SRBD1: variants seen among roughly 807,000 people sequenced by gnomAD.
SRBD1 encodes S1 RNA-binding domain-containing protein 1.
Under a neutral mutation model 115.3 loss-of-function variants are expected in SRBD1, and 88 were observed. That is an observed-to-expected ratio of 0.76 (90% CI 0.64 to 0.91). The LOEUF (loss-of-function observed/expected upper bound fraction) is 0.91. Among genes scored for constraint, SRBD1 ranks in the 40% least tolerant of loss-of-function variants. SRBD1 has a pLI of 0.00. For synonymous variants in SRBD1, 509 were observed against 407.7 expected (o/e 1.25, Z -2.99); for missense variants, 1,385 against 1,177.4 (o/e 1.18, Z -2.58).
rs1669829358 is a variant in SRBD1 at position 45,477,181 on chromosome 2, C to T, written c.1967-106G>A. On this transcript the variant is annotated intron_variant, in intron 15 of 20. Transcript: ENST00000263736. Reference sequence around the variant, plus strand: ...ATGTAAGTACTTAATCCTGTCCCTCCTCATCATCCCTCTAAAAAAGGCCAA... The same window carrying T: ...ATGTAAGTACTTAATCCTGTCCCTCTTCATCATCCCTCTAAAAAAGGCCAA... The T allele has an allele frequency of 8.7e-6, 7 of 802,024 alleles. No homozygotes were observed. In the Admixed American group the frequency reaches 1.0e-4, roughly 12 times the overall value. 49.7% of individuals were successfully genotyped at this position (802,024 alleles called of 1,614,324 possible).
intron 10 of SRBD1, among the ~76,000 whole-genome samples, chr2:45,554,670 G>A (rs1301181746): frequency 1.3e-5 from 2 of 152,064 alleles, no homozygotes; most frequent in Admixed American, 6.6e-5. Context: ...CACTGAAACG[G>A]TCCCTATAAA....
intron 16 of SRBD1, among the ~76,000 whole-genome samples, chr2:45,471,251 T>C (rs892185173): frequency 6.6e-6 from 1 of 152,174 alleles, no homozygotes; most frequent in South Asian, 2.1e-4. Context: ...ATCAGTCACC[T>C]GCTTAGTTTT....
chr2:45,575,045 A>G (rs992899916), intron 7 of SRBD1, among the ~76,000 whole-genome samples: 1 of 152,178 alleles, frequency 6.6e-6, no homozygotes, highest in African/African-American at 2.4e-5. Flanking sequence ...TCTGTACCTC[A>G]GTTTCCTATA....
chr2:45,565,113 T>C (rs1030729965), intron 9 of SRBD1, among the ~76,000 whole-genome samples: 1 of 152,208 alleles, frequency 6.6e-6, no homozygotes, highest in Non-Finnish European at 1.5e-5. Context: ...TTGGCATGTT[T>C]TGTGGAAACT....
At chr2:45,555,311 G>C (rs1307906782) in intron 10 of SRBD1, among the ~76,000 whole-genome samples, 1 of 152,122 alleles carries the variant, frequency 6.6e-6, no homozygotes, top group African/African-American at 2.4e-5. Context: ...CTTGAGCCCA[G>C]GAGGTTGAAG....
chr2:45,478,191 G>A (rs1669861115), intron 15 of SRBD1, among the ~76,000 whole-genome samples: 1 of 152,058 alleles, frequency 6.6e-6, no homozygotes, highest in African/African-American at 2.4e-5. Context: ...CAGGTTAGAT[G>A]AAATATAAAT....
chr2:45,502,921 G>A (rs557742895), intron 14 of SRBD1, among the ~76,000 whole-genome samples: 28 of 152,108 alleles, frequency 1.8e-4, no homozygotes, highest in Non-Finnish European at 4.0e-4. Flanking sequence ...CAGGGCTCAA[G>A]CAATATTCTT....
At chr2:45,582,109 T>G (rs760979028) in intron 5 of SRBD1, among the ~76,000 whole-genome samples, 3 of 152,306 alleles carry the variant, frequency 2.0e-5, no homozygotes, top group Non-Finnish European at 2.9e-5. Flanking sequence ...ATATCCTTTA[T>G]AGTGGATTCA....
In SRBD1 at chr2:45,415,594, T is replaced by C. The variant is rs573453542; in HGVS notation, c.2334-2301A>G. ...ATAGGTTAAAAAACAAAAATATACA[T>C]AAAATATTTTTATATATGTATAAAA... On this transcript the variant is annotated intron_variant, in intron 18 of 20. Coordinates refer to ENST00000263736, the MANE Select transcript of SRBD1 (RefSeq NM_018079.5). Among the ~76,000 whole-genome samples the C allele has an allele frequency of 5.1e-5, 7 of 136,730 alleles. No individual in the cohort carries two copies. The East Asian group carries it at 1.5e-3, about 30-fold the overall frequency. The allele number at this position is 136,730 out of a possible 152,430, so 89.7% of individuals were successfully genotyped here.
At chr2:45,584,830 A>G (rs1383622183) in intron 5 of SRBD1, among the ~76,000 whole-genome samples, 1 of 152,118 alleles carries the variant, frequency 6.6e-6, no homozygotes, top group African/African-American at 2.4e-5. Flanking sequence ...ACAATCCACT[A>G]TTGTTAAATT....
intron 16 of SRBD1, among the ~76,000 whole-genome samples, chr2:45,466,995 G>A (rs1669507654): frequency 6.6e-6 from 1 of 152,168 alleles, no homozygotes; most frequent in Non-Finnish European, 1.5e-5. Context: ...CTTTAACAAA[G>A]GGATTTTATA....
chr2:45,415,572 G>C (rs1323412622), intron 18 of SRBD1, among the ~76,000 whole-genome samples: 2 of 141,114 alleles, frequency 1.4e-5, no homozygotes, highest in South Asian at 4.5e-4. Flanking sequence ...CGTATATATA[G>C]GTTAAAAAAC....
intron 12 of SRBD1, chr2:45,548,894 C>T (rs781191129): frequency 6.6e-6 from 1 of 152,232 alleles, no homozygotes; most frequent in Admixed American, 6.5e-5. Context: ...TGACAAGACA[C>T]CTATGCATCA....
chr2:45,589,847 AT>A, intron 4 of SRBD1, among the ~76,000 whole-genome samples: 1 of 152,244 alleles, frequency 6.6e-6, no homozygotes, highest in Non-Finnish European at 1.5e-5. Context: ...TGTAAAAAAA[AT>A]CAAGTGCCTC....
intron 4 of SRBD1, among the ~76,000 whole-genome samples, chr2:45,596,917 C>T (rs7576946): frequency 1.6e-5 from 2 of 128,544 alleles, no homozygotes; most frequent in East Asian, 4.1e-4. Context: ...GAGAACACCC[C>T]CCCACAACCC....
In SRBD1 at chr2:45,393,092, C is replaced by A; in HGVS notation, c.2551G>T (p.Gly851Ter). The change falls in exon 20 of 21, where the codon GGA (glycine) becomes TGA (stop). Residue 851 changes from glycine (G) to a stop codon, truncating the protein, a stop_gained. Transcript: ENST00000263736. LOFTEE classifies it high-confidence loss of function. ...ATTTTTTGTTGCATTTCAGGCTTTC[C>A]AACCTCATACAGTGTCCCTCCAATG... Reference protein sequence around the residue: ...SSIGGTLYEVGKPEMQQKINS... With the variant: ...SSIGGTLYEV 2 of 1,613,020 alleles carry A rather than the reference C, an allele frequency of 1.2e-6. No homozygotes were observed. The highest frequency in any genetic ancestry group is 1.7e-6 in the Non-Finnish European group (2 of 1,179,678).
chr2:45,487,196 G>C (rs866461975), intron 15 of SRBD1, among the ~76,000 whole-genome samples: 1 of 152,142 alleles, frequency 6.6e-6, no homozygotes, highest in African/African-American at 2.4e-5. Flanking sequence ...AAGAACAGCC[G>C]ATGAAATCTG....
At chr2:45,539,573 T>C (rs1671868904) in intron 14 of SRBD1, among the ~76,000 whole-genome samples, 1 of 152,170 alleles carries the variant, frequency 6.6e-6, no homozygotes, top group South Asian at 2.1e-4. Context: ...CGGGCTGATG[T>C]AGCGGGGAAC....
chr2:45,575,238 T>A (rs1673141493), intron 7 of SRBD1, among the ~76,000 whole-genome samples: 2 of 152,234 alleles, frequency 1.3e-5, no homozygotes, highest in Admixed American at 1.3e-4. Context: ...CAACGACCCA[T>A]TTGAATTTCA....
Sources: gnomAD v4.1 joint callset for allele counts (sites outside exome capture counted in the v4.1 genomes callset) on GRCh38, gnomAD v4.1.1 for gene constraint, MANE v1.5 for transcripts, NCBI Gene and HGNC (gene_info 2026-07-23, HGNC 2026-07-21) for gene names.